Variants in TASP1 observed in about 807,000 individuals in gnomAD.
TASP1 encodes the protein taspase 1.
A neutral mutation model predicts 56.6 loss-of-function variants in TASP1; 16 were observed. The observed-to-expected ratio is 0.28, with a 90% confidence interval of 0.19 to 0.43. The LOEUF is 0.43. Among genes scored for constraint, TASP1 ranks in the 20% least tolerant of loss-of-function variants. The pLI, the probability that TASP1 is intolerant of heterozygous loss-of-function variation, is 1.00. For missense variants in TASP1, 393 were observed against 511.6 expected, an observed-to-expected ratio of 0.77 and a Z score of 2.24; for synonymous variants, 179 against 184.2, an observed-to-expected ratio of 0.97 and a Z score of 0.23.
chr20:13,164,059 C>T, the TASP1 span, among the ~76,000 whole-genome samples: 1 of 152,108 alleles, frequency 6.6e-6, no homozygotes, highest in African/African-American at 2.4e-5. Context: ...CCCCACTCCC[C>T]CCATCCCACA....
the TASP1 span, among the ~76,000 whole-genome samples, chr20:13,238,821 T>C: frequency 6.6e-6 from 1 of 152,186 alleles, no homozygotes. Flanking sequence ...GATCAGCCCA[T>C]AGAGGATACA....
At chr20:13,160,488 C>T in the TASP1 span, among the ~76,000 whole-genome samples, 3 of 152,166 alleles carry the variant, frequency 2.0e-5, no homozygotes, top group African/African-American at 7.2e-5. Context: ...TTCATAGCCA[C>T]TAAATCTGCC....
chr20:13,201,684 T>C, the TASP1 span, among the ~76,000 whole-genome samples: 1 of 151,890 alleles, frequency 6.6e-6, no homozygotes, highest in Admixed American at 6.6e-5. Context: ...TGTAATGGCC[T>C]GTGAAAATTT....
At chr20:13,164,404 C>A in the TASP1 span, 1 of 479,302 alleles carries the variant, frequency 2.1e-6, no homozygotes, top group East Asian at 6.7e-5. Flanking sequence ...ATTCTGCAAC[C>A]TTATCTTTTT....
At chr20:13,122,647 A>C in the TASP1 span, among the ~76,000 whole-genome samples, 1 of 152,204 alleles carries the variant, frequency 6.6e-6, no homozygotes, top group Admixed American at 6.5e-5. Context: ...GTTATTGTGA[A>C]ATTTAAATGT....
At chr20:13,465,873 A>G (rs1382105897) in intron 11 of TASP1, among the ~76,000 whole-genome samples, 3 of 152,052 alleles carry the variant, frequency 2.0e-5, no homozygotes, top group East Asian at 1.9e-4. Context: ...ATGTGGTTAT[A>G]AAGGGGGAAC....
intron 10 of TASP1, among the ~76,000 whole-genome samples, chr20:13,507,357 A>G (rs2044170404): frequency 6.6e-6 from 1 of 152,054 alleles, no homozygotes; most frequent in Non-Finnish European, 1.5e-5. Flanking sequence ...CATAGCCAAG[A>G]CCTCATCTTT....
At chr20:13,637,671 C>T (rs2049358502) in intron 1 of TASP1, among the ~76,000 whole-genome samples, 1 of 152,064 alleles carries the variant, frequency 6.6e-6, no homozygotes, top group South Asian at 2.1e-4. Context: ...TATGAAATGC[C>T]AGTATAGGAA....
chr20:13,364,598 G>A, the TASP1 span, among the ~76,000 whole-genome samples: 12 of 152,042 alleles, frequency 7.9e-5, no homozygotes, highest in African/African-American at 2.7e-4. Flanking sequence ...CTGCCCGTAG[G>A]CCTAAGATAG....
chr20:13,186,869 A>C, the TASP1 span, among the ~76,000 whole-genome samples: 1 of 152,226 alleles, frequency 6.6e-6, no homozygotes, highest in Non-Finnish European at 1.5e-5. Context: ...AAGAAGAAAC[A>C]ATCTGAAAAA....
chr20:13,370,667 G>A, the TASP1 span, among the ~76,000 whole-genome samples: 1 of 152,012 alleles, frequency 6.6e-6, no homozygotes, highest in Non-Finnish European at 1.5e-5. Flanking sequence ...TTTATTTGAA[G>A]ACACAGCCTT....
the TASP1 span, among the ~76,000 whole-genome samples, chr20:13,115,860 A>G: frequency 6.6e-6 from 1 of 152,172 alleles, no homozygotes; most frequent in Non-Finnish European, 1.5e-5. Flanking sequence ...TCCTGTTTGT[A>G]TTGCATATGA....
intron 13 of TASP1, among the ~76,000 whole-genome samples, chr20:13,406,646 T>G (rs538701899): frequency 6.6e-6 from 1 of 150,908 alleles, no homozygotes; most frequent in African/African-American, 2.4e-5. Context: ...TCCTTGGATA[T>G]CTCATATTTT....
the TASP1 span, among the ~76,000 whole-genome samples, chr20:13,310,965 G>A: frequency 3.7e-4 from 57 of 152,308 alleles, no homozygotes; most frequent in African/African-American, 7.0e-4. Context: ...AGGCTGAGGC[G>A]AGTGGATCAC....
chr20:13,220,678 C>T, the TASP1 span, among the ~76,000 whole-genome samples: 1 of 152,208 alleles, frequency 6.6e-6, no homozygotes, highest in Admixed American at 6.5e-5. Flanking sequence ...CGCCGCGGAT[C>T]CGCGAACAGC....
chr20:13,378,060 G>T, the TASP1 span, among the ~76,000 whole-genome samples: 2 of 151,472 alleles, frequency 1.3e-5, no homozygotes, highest in Admixed American at 6.6e-5. Context: ...AGGATTTTTC[G>T]TGTCTCTATC....
chr20:13,525,043 A>G (rs2044919510), intron 10 of TASP1, among the ~76,000 whole-genome samples: 1 of 152,178 alleles, frequency 6.6e-6, no homozygotes, highest in Non-Finnish European at 1.5e-5. Context: ...TTTCCTGTAA[A>G]GCAACCACCA....
chr20:13,312,456 C>A, the TASP1 span, among the ~76,000 whole-genome samples: 6 of 152,198 alleles, frequency 3.9e-5, no homozygotes, highest in African/African-American at 1.4e-4. Flanking sequence ...TGCACAACGC[C>A]CTGCAACTTC....
chr20:13,591,664 A>G (rs1027429792), intron 4 of TASP1, among the ~76,000 whole-genome samples: 3 of 152,210 alleles, frequency 2.0e-5, no homozygotes, highest in African/African-American at 7.2e-5. Context: ...AATACTCTAA[A>G]TAAGTGGGAA....
Sources: gnomAD v4.1 joint callset for allele counts (sites outside exome capture counted in the v4.1 genomes callset) on GRCh38, gnomAD v4.1.1 for gene constraint, MANE v1.5 for transcripts, NCBI Gene and HGNC (gene_info 2026-07-23, HGNC 2026-07-21) for gene names.